The following GAB2 variants were observed in gnomAD, a reference collection of about 807,000 sequenced individuals.
GAB2 encodes the protein GRB2 associated binding protein 2, also known as GRB2-associated-binding protein 2.
GAB2 carries 26 observed loss-of-function variants against 65.5 expected under a neutral mutation model. The observed-to-expected ratio is 0.40, with a 90% CI of 0.29 to 0.55. The LOEUF is 0.55. GAB2 is among the 20% of genes least tolerant of loss of function. The pLI, the probability that GAB2 is intolerant of heterozygous loss-of-function variation, is 0.53. For missense variants in GAB2, 884 were observed against 875.8 expected (o/e 1.01, Z -0.12); for synonymous variants, 321 against 329.6 (o/e 0.97, Z 0.28).
chr11:78,289,505 G>A (rs1252537625), intron 1 of GAB2, among the ~76,000 whole-genome samples: 2 of 152,168 alleles, frequency 1.3e-5, no homozygotes, highest in African/African-American at 4.8e-5. Context: ...CACAAAATGT[G>A]TTGAATGCTT....
chr11:78,361,368 A>T (rs575570344), intron 1 of GAB2, among the ~76,000 whole-genome samples: 1 of 152,290 alleles, frequency 6.6e-6, no homozygotes, highest in South Asian at 2.1e-4. Flanking sequence ...TAAATCTAAA[A>T]ATGAAAACTA....
intron 5 of GAB2, among the ~76,000 whole-genome samples, chr11:78,224,007 G>A (rs1465319990): frequency 6.6e-6 from 1 of 152,146 alleles, no homozygotes; most frequent in Non-Finnish European, 1.5e-5. Context: ...GCTTGAAGCT[G>A]GGAGGCCAAG....
At chr11:78,323,397 C>A (rs187757810) in intron 1 of GAB2, among the ~76,000 whole-genome samples, 104 of 152,076 alleles carry the variant, frequency 6.8e-4, no homozygotes, top group Admixed American at 2.6e-3. Flanking sequence ...GTAATCCCAG[C>A]TACTTGAGAG....
intron 7 of GAB2, 110 bp downstream of exon 7, chr11:78,221,995 T>C: frequency 5.1e-6 from 4 of 777,730 alleles, no homozygotes; most frequent in Non-Finnish European, 4.6e-6. Context: ...CAGCTAATGA[T>C]AGCGTTAGCA....
At chr11:78,324,889 A>G (rs774351633) in intron 1 of GAB2, 1 of 152,202 alleles carries the variant, frequency 6.6e-6, no homozygotes, top group Non-Finnish European at 1.5e-5. Flanking sequence ...CATTAATTTT[A>G]CAGTGATGGG....
chr11:78,233,311 AG>A (rs1864898348), intron 3 of GAB2, among the ~76,000 whole-genome samples: 1 of 152,304 alleles, frequency 6.6e-6, no homozygotes, highest in Admixed American at 6.5e-5. Context: ...CTGGGATTAT[AG>A]GCATGAGCCA....
chr11:78,378,280 G>A (rs898369010), intron 1 of GAB2, among the ~76,000 whole-genome samples: 1 of 152,172 alleles, frequency 6.6e-6, no homozygotes, highest in African/African-American at 2.4e-5. Context: ...CAAGCAGTAT[G>A]AGATACAATG....
At chr11:78,382,708 C>A (rs563261068) in intron 1 of GAB2, among the ~76,000 whole-genome samples, 6 of 152,220 alleles carry the variant, frequency 3.9e-5, no homozygotes, top group African/African-American at 1.2e-4. Flanking sequence ...TTAGACTTAG[C>A]CACAATAAAT....
chr11:78,282,304 T>G (rs1590996430), intron 1 of GAB2, among the ~76,000 whole-genome samples: 2 of 146,258 alleles, frequency 1.4e-5, no homozygotes, highest in African/African-American at 4.9e-5. Context: ...TGACTGGCTG[T>G]GTGAATTTTT....
intron 9 of GAB2, 145 bp downstream of exon 9, chr11:78,220,174 C>CT: frequency 1.3e-6 from 1 of 790,416 alleles, no homozygotes; most frequent in Non-Finnish European, 2.1e-6. Flanking sequence ...AGCTCTATGA[C>CT]TAAAGATGCA....
chr11:78,242,824 C>G (rs1229004971), intron 3 of GAB2, among the ~76,000 whole-genome samples: 2 of 152,216 alleles, frequency 1.3e-5, no homozygotes, highest in South Asian at 4.1e-4. Flanking sequence ...CAAAATCAAA[C>G]CAGTAGCAAG....
intron 1 of GAB2, among the ~76,000 whole-genome samples, chr11:78,319,871 C>CTT (rs59307063): frequency 0.16 from 23,070 of 145,636 alleles, 2,290 homozygotes; most frequent in East Asian, 0.4. Flanking sequence ...AAGAAACAGA[C>CTT]TTTTTTTTTT....
chr11:78,263,636 G>GGAA (rs373795221), intron 2 of GAB2, among the ~76,000 whole-genome samples: 5 of 129,170 alleles, frequency 3.9e-5, no homozygotes, highest in African/African-American at 1.4e-4. Flanking sequence ...CTGTCTGGGG[G>GGAA]AAAAAAAAAA....
intron 1 of GAB2, among the ~76,000 whole-genome samples, chr11:78,323,268 G>T (rs1009304258): frequency 6.6e-6 from 1 of 152,260 alleles, no homozygotes; most frequent in East Asian, 1.9e-4. Context: ...CCTGCACTTT[G>T]GGAGACTGAG....
intron 1 of GAB2, among the ~76,000 whole-genome samples, chr11:78,374,608 G>A (rs930117764): frequency 1.3e-5 from 2 of 152,124 alleles, no homozygotes; most frequent in South Asian, 2.1e-4. Flanking sequence ...TGGTCATTAC[G>A]CTGAATGCTA....
chr11:78,222,185 T>C lies in GAB2; in HGVS notation c.1578A>G (p.Thr526=). 2 of 1,612,994 alleles carry C rather than the reference T, an allele frequency of 1.2e-6. No homozygotes were observed. Among genetic ancestry groups the C allele is most frequent in the Non-Finnish European group, 1.7e-6 (2 of 1,179,018 alleles). Residue 526 remains threonine, a synonymous_variant, in exon 7 of 10, where the codon ACA becomes ACG. Coordinates refer to ENST00000361507, the MANE Select transcript of GAB2 (RefSeq NM_080491.3). ...NLKPDRKAKP[T]PLDLRNNTVI... is the part of the protein sequence containing the mutation. The stretch of plus-strand genomic sequence containing the variant: ...CGGTGTTGTTCCTCAGGTCAAGTGG[T>C]GTTGGCTTTGCTGGAGCAGGAAAAG...
At chr11:78,410,585 C>T (rs558775520) in intron 1 of GAB2, among the ~76,000 whole-genome samples, 75 of 152,318 alleles carry the variant, frequency 4.9e-4, no homozygotes, top group Non-Finnish European at 9.3e-4. Flanking sequence ...GGACCCACTA[C>T]AGACCCTGCA....
intron 1 of GAB2, among the ~76,000 whole-genome samples, chr11:78,372,225 CCTCT>C (rs751684720): frequency 2.8e-4 from 43 of 152,248 alleles, no homozygotes; most frequent in Non-Finnish European, 4.9e-4. Flanking sequence ...TTCACCTTAG[CCTCT>C]CTCTGAGCTC....
At chr11:78,370,170 T>C (rs1168031377) in intron 1 of GAB2, among the ~76,000 whole-genome samples, 2 of 142,650 alleles carry the variant, frequency 1.4e-5, no homozygotes, top group Middle Eastern at 3.4e-3. Flanking sequence ...GGCAGGAGAA[T>C]GGCGTGAACC....
Sources: gnomAD v4.1 joint callset for allele counts (sites outside exome capture counted in the v4.1 genomes callset) on GRCh38, gnomAD v4.1.1 for gene constraint, MANE v1.5 for transcripts, NCBI Gene and HGNC (gene_info 2026-07-23, HGNC 2026-07-21) for gene names.